The following ROBO2 variants were observed in gnomAD, a reference collection of about 807,000 sequenced individuals.
ROBO2 encodes the protein roundabout homolog 2.
A neutral mutation model predicts 160.8 loss-of-function variants in ROBO2; 53 were observed. That is an observed-to-expected ratio of 0.33 (90% CI 0.26 to 0.41). The LOEUF is 0.41. Among genes scored for constraint, ROBO2 ranks in the 10% least tolerant of loss-of-function variants. ROBO2 has a pLI of 1.00. For missense variants in ROBO2, 1,577 were observed against 1,722.4 expected (o/e 0.92, Z 1.49); for synonymous variants, 664 against 611.7 (o/e 1.09, Z -1.26).
intron 2 of ROBO2, among the ~76,000 whole-genome samples, chr3:77,269,524 T>C (rs1368818620): frequency 1.3e-5 from 2 of 152,152 alleles, no homozygotes; most frequent in African/African-American, 4.8e-5. Flanking sequence ...AGAGTTTCCA[T>C]AAACCTTGAA....
intron 2 of ROBO2, among the ~76,000 whole-genome samples, chr3:76,385,054 G>C (rs1304816204): frequency 6.6e-6 from 1 of 152,124 alleles, no homozygotes; most frequent in Non-Finnish European, 1.5e-5. Flanking sequence ...TAGTGCAGTG[G>C]TGCAATTATG....
intron 2 of ROBO2, among the ~76,000 whole-genome samples, chr3:76,694,686 ATAAACT>A (rs2092890971): frequency 6.6e-6 from 1 of 152,198 alleles, no homozygotes; most frequent in South Asian, 2.1e-4. Context: ...CTCAGTAAAC[ATAAACT>A]TCTAATATAT....
At chr3:77,310,828 T>C in intron 2 of ROBO2, among the ~76,000 whole-genome samples, 1 of 149,982 alleles carries the variant, frequency 6.7e-6, no homozygotes, top group South Asian at 2.1e-4. Flanking sequence ...GAATTCAGTG[T>C]GGATAGTAGT....
chr3:77,357,284 T>A (rs113549040), intron 2 of ROBO2, among the ~76,000 whole-genome samples: 1,664 of 152,216 alleles, frequency 0.011, 17 homozygotes, highest in Middle Eastern at 0.017. Context: ...GCCCTCTGAA[T>A]GGATTAATAC....
At position 76,873,603 on chromosome 3, in the gene ROBO2, A is replaced by C. The variant is rs189198472; in HGVS notation, c.110-224411A>C. On this transcript the variant is annotated intron_variant, in intron 2 of 26. Transcript: ENST00000487694. ...TCGTCGTCGTCGTTGTCGTCGTCGT[A>C]GTAGTAGTATGAAATGAGGGTCTTA... Among the ~76,000 whole-genome samples the C allele has an allele frequency of 3.4e-3, 508 of 150,970 alleles. 6 individuals carry two copies. Among genetic ancestry groups the C allele is most frequent in the African/African-American group, 0.012 (485 of 41,394 alleles).
chr3:76,295,921 C>G (rs895115703), intron 2 of ROBO2, among the ~76,000 whole-genome samples: 12 of 152,100 alleles, frequency 7.9e-5, no homozygotes, highest in African/African-American at 2.9e-4. Context: ...TACTGCAAAC[C>G]AACTCCACCC....
At chr3:77,100,118 A>G (rs929239813) in intron 2 of ROBO2, among the ~76,000 whole-genome samples, 1 of 152,158 alleles carries the variant, frequency 6.6e-6, no homozygotes, top group Non-Finnish European at 1.5e-5. Context: ...TTGCGTCATT[A>G]ATAATGAATC....
rs150695128 is a variant in ROBO2 at position 76,706,531 on chromosome 3, G to A, written c.110-391483G>A. Among the ~76,000 whole-genome samples, 152 of 151,964 alleles carry A rather than the reference G, an allele frequency of 1.0e-3. No individual in the cohort carries two copies. The Middle Eastern group carries it at 0.01, about 10-fold the overall frequency. ...CACTCAGTACTATAGAATGTCACAT[G>A]GTTGATTGAGTCCTGTTTTCTGAGT... is the stretch of plus-strand genomic sequence containing the variant. On this transcript the variant is annotated intron_variant, in intron 2 of 26. Transcript: ENST00000487694.
chr3:77,075,480 G>C (rs891243725), intron 1 of ROBO2, among the ~76,000 whole-genome samples: 1 of 152,008 alleles, frequency 6.6e-6, no homozygotes, highest in Non-Finnish European at 1.5e-5. Context: ...GTAGGGGAGA[G>C]GTGCTCCTAG....
chr3:76,565,000 CA>C (rs1420531057), intron 2 of ROBO2, among the ~76,000 whole-genome samples: 1 of 152,102 alleles, frequency 6.6e-6, no homozygotes, highest in African/African-American at 2.4e-5. Context: ...GAGGCTGGTA[CA>C]AAAAAGTTTT....
intron 2 of ROBO2, among the ~76,000 whole-genome samples, chr3:76,218,111 AG>A (rs2107377584): frequency 6.6e-6 from 1 of 152,342 alleles, no homozygotes; most frequent in Non-Finnish European, 1.5e-5. Flanking sequence ...GAAATTCAAC[AG>A]CCCTTCATGC....
At chr3:77,396,547 T>C (rs2075300845) in intron 2 of ROBO2, among the ~76,000 whole-genome samples, 1 of 152,174 alleles carries the variant, frequency 6.6e-6, no homozygotes, top group Non-Finnish European at 1.5e-5. Context: ...TTAGTTATAG[T>C]ACTTAATTAA....
At chr3:77,549,707 A>G (rs1459529457) in intron 7 of ROBO2, among the ~76,000 whole-genome samples, 2 of 152,030 alleles carry the variant, frequency 1.3e-5, no homozygotes, top group Non-Finnish European at 2.9e-5. Context: ...AGCATAATTG[A>G]AAAGTGTTAA....
chr3:75,935,183 C>T (rs368142062), intron 1 of ROBO2, among the ~76,000 whole-genome samples: 2 of 152,052 alleles, frequency 1.3e-5, no homozygotes, highest in Non-Finnish European at 2.9e-5. Context: ...TCATCATGTA[C>T]ACAAAATTAA....
At chr3:76,309,374 A>C (rs929695989) in intron 2 of ROBO2, among the ~76,000 whole-genome samples, 1 of 152,232 alleles carries the variant, frequency 6.6e-6, no homozygotes, top group African/African-American at 2.4e-5. Context: ...GAAGTTTTCA[A>C]ATTGAAAGTT....
At chr3:77,349,166 T>C (rs763471536) in intron 2 of ROBO2, among the ~76,000 whole-genome samples, 1 of 152,132 alleles carries the variant, frequency 6.6e-6, no homozygotes, top group South Asian at 2.1e-4. Flanking sequence ...TAAATAATAC[T>C]GAGAAAAAAA....
chr3:76,928,868 T>G (rs2077152453), intron 2 of ROBO2, among the ~76,000 whole-genome samples: 1 of 152,178 alleles, frequency 6.6e-6, no homozygotes, highest in African/African-American at 2.4e-5. Context: ...TATATCCTGA[T>G]GAATCTCCAA....
intron 2 of ROBO2, among the ~76,000 whole-genome samples, chr3:75,957,854 G>A (rs1948775667): frequency 6.6e-6 from 1 of 151,370 alleles, no homozygotes; most frequent in African/African-American, 2.4e-5. Context: ...TTGTCAAATT[G>A]CTAGATACAG....
At chr3:76,499,811 G>A (rs886551016) in intron 2 of ROBO2, among the ~76,000 whole-genome samples, 1 of 151,996 alleles carries the variant, frequency 6.6e-6, no homozygotes, top group Admixed American at 6.6e-5. Flanking sequence ...TCCCCCTAAA[G>A]ATCTACAATG....
Sources: gnomAD v4.1 joint callset for allele counts (sites outside exome capture counted in the v4.1 genomes callset) on GRCh38, gnomAD v4.1.1 for gene constraint, MANE v1.5 for transcripts, NCBI Gene and HGNC (gene_info 2026-07-23, HGNC 2026-07-21) for gene names.